The following AP3D1 variants were observed in gnomAD, a reference collection of about 807,000 sequenced individuals.
The protein encoded by AP3D1 is AP-3 complex subunit delta-1.
A neutral mutation model predicts 147.6 loss-of-function variants in AP3D1; 51 were observed. The ratio of observed to expected loss-of-function variants is 0.35; its 90% confidence interval spans 0.28 to 0.44. The LOEUF (loss-of-function observed/expected upper bound fraction) is 0.44, where lower values mean the gene tolerates loss of function less well. AP3D1 is among the 20% of genes least tolerant of loss of function. The probability of loss-of-function intolerance (pLI) is 1.00; values close to 1 mark genes in which losing one functional copy is unlikely to be tolerated. For missense variants in AP3D1, 1,421 were observed against 1,624.2 expected, an observed-to-expected ratio of 0.87 and a Z score of 2.15; for synonymous variants, 760 against 663.0, an observed-to-expected ratio of 1.15 and a Z score of -2.25.
rs748289680 is a variant in AP3D1, at chr19:2,102,122, C to T, written c.*51G>A. The T allele has an allele frequency of 2.8e-5, 41 of 1,451,106 alleles. No individual in the cohort carries two copies. Among genetic ancestry groups the T allele is most frequent in the Middle Eastern group, 2.1e-4 (1 of 4,684 alleles). 89.9% of individuals were successfully genotyped at this position (1,451,106 alleles called of 1,614,324 possible). The stretch of plus-strand genomic sequence containing the variant: ...GGAGAGGCGAGACACGTCAGGGCTG[C>T]GGTCCCTGGGTACGTGCTCCGCGGG... On this transcript the variant is annotated 3_prime_UTR_variant, in exon 32 of 32. Transcript: ENST00000643116.
intron 23 of AP3D1, 173 bp downstream of exon 23, chr19:2,113,163 G>T (rs2018335488): frequency 1.6e-6 from 1 of 625,312 alleles, no homozygotes; most frequent in Non-Finnish European, 2.8e-6. Flanking sequence ...CCCCTGCTTG[G>T]CCCACTGGGA....
intron 12 of AP3D1, 108 bp from the exon 13 acceptor site, chr19:2,121,419 C>T: frequency 7.2e-7 from 1 of 1,388,196 alleles, no homozygotes; most frequent in Non-Finnish European, 9.9e-7. Flanking sequence ...CACAGGCGGA[C>T]CCGGATTCAC....
At position 2,109,150 on chromosome 19, in the gene AP3D1, G is replaced by A. The variant is rs369844485; in HGVS notation, c.3408C>T (p.Val1136=). The A allele has an allele frequency of 4.6e-5, 74 of 1,610,228 alleles. No homozygotes were observed. In the African/African-American group the frequency reaches 7.6e-4, roughly 17 times the overall value. ...TCTGGAAGGACATCCGAATGCCATC[G>A]ACTTTGATTGAGCTCATGCTCAAGT... is the stretch of plus-strand genomic sequence containing the variant. The part of the protein sequence containing the change: ...SGDLSMSSIK[V]DGIRMSFQNL... Residue 1136 remains valine, a synonymous_variant, in exon 30 of 32, where the codon GTC becomes GTT. Coordinates refer to ENST00000643116, the MANE Select transcript of AP3D1 (RefSeq NM_001261826.3).
At chr19:2,141,763 AG>A (rs2019225876) in intron 1 of AP3D1, among the ~76,000 whole-genome samples, 1 of 150,348 alleles carries the variant, frequency 6.7e-6, no homozygotes, top group Non-Finnish European at 1.5e-5. Context: ...TTATTGAGAT[AG>A]GGTCTTCCTC....
Position 2,116,673 on chromosome 19 carries a change from A to C in AP3D1, c.1933T>G (p.Phe645Val). Residue 645 changes from phenylalanine (F) to valine (V), a missense_variant, in exon 17 of 32, where the codon TTC becomes GTC. By Grantham distance (50) the Phe-to-Val change is conservative. This residue lies in a region of AP3D1 where 791 missense variants were observed against 761.4 expected (regional missense o/e 1.04). Transcript: ENST00000643116. ...GGACGCCGCTGCTCCTCCTCGTGGA[A>C]GACGGCCCTGGGCCTCTCGTCCTCT... ...ESEDERPRAV[F>V]HEEEQRRPKH... 2 of 1,608,658 alleles carry C rather than the reference A, an allele frequency of 1.2e-6. No individual in the cohort carries two copies. Among genetic ancestry groups the C allele is most frequent in the South Asian group, 2.2e-5 (2 of 90,002 alleles).
intron 31 of AP3D1, among the ~76,000 whole-genome samples, chr19:2,106,778 G>C (rs2018121982): frequency 6.6e-6 from 1 of 152,144 alleles, no homozygotes; most frequent in South Asian, 2.1e-4. Flanking sequence ...AGGACATGAG[G>C]TGTAATAACA....
At chr19:2,162,923 C>T (rs2019750630) in intron 1 of AP3D1, among the ~76,000 whole-genome samples, 1 of 151,948 alleles carries the variant, frequency 6.6e-6, no homozygotes, top group Admixed American at 6.6e-5. Context: ...GGTGAAACCG[C>T]CTTTGCAAAA....
In AP3D1 at chr19:2,137,803, T is replaced by C; in HGVS notation, c.197A>G (p.Gln66Arg). Reference protein sequence around the residue: ...ANAVCKLTYLQMLGYDISWAA... With the variant: ...ANAVCKLTYLRMLGYDISWAA... ...CCAGCTGATGTCGTATCCCAACATC[T>C]GTAACTGTTAAGGGACGCACAGGAA... The change falls in exon 3 of 32, where the codon CAG becomes CGG. Residue 66 changes from glutamine (Q) to arginine (R), a missense_variant. This residue lies in a region of AP3D1 where 292 missense variants were observed against 412.0 expected (regional missense o/e 0.71). Coordinates refer to ENST00000643116, the MANE Select transcript of AP3D1 (RefSeq NM_001261826.3). The C allele has an allele frequency of 6.2e-7, 1 of 1,613,878 alleles. No individual in the cohort carries two copies. Among genetic ancestry groups the C allele is most frequent in the Non-Finnish European group, 8.5e-7 (1 of 1,179,884 alleles).
intron 1 of AP3D1, among the ~76,000 whole-genome samples, chr19:2,150,933 G>A (rs569567607): frequency 3.3e-5 from 5 of 152,310 alleles, no homozygotes; most frequent in Non-Finnish European, 5.9e-5. Context: ...CCAGGGGGAG[G>A]GCACCTATAG....
At position 2,114,195 on chromosome 19, in the gene AP3D1, G is replaced by A; in HGVS notation, c.2531C>T (p.Pro844Leu). The A allele has an allele frequency of 6.2e-7, 1 of 1,607,928 alleles. No individual in the cohort carries two copies. The highest frequency in any genetic ancestry group is 2.2e-5 in the East Asian group (1 of 44,660). ...VPMVEKKSKK[P>L]KKKEKKHKEK... The stretch of plus-strand genomic sequence containing the variant: ...TTTGTGTTTTTTCTCTTTCTTCTTG[G>A]GTTTCTTGCTCTTCTTTTCTACCAT... Residue 844 changes from proline (P) to leucine (L), a missense_variant, in exon 22 of 32, where the codon CCC becomes CTC. Pro to Leu is a moderately conservative substitution (Grantham distance 98). Around this residue, in one of 6 missense-constraint regions of AP3D1, gnomAD observed 791 missense variants for 761.4 expected, o/e 1.04. Coordinates refer to ENST00000643116, the MANE Select transcript of AP3D1 (RefSeq NM_001261826.3).
rs1479573171 is a variant in AP3D1 at position 2,118,765 on chromosome 19, G to C, written c.1549C>G (p.His517Asp). ...LRPRVTTLPGHIQAVYVQNVV... is the reference protein window; with the variant it reads ...LRPRVTTLPGDIQAVYVQNVV... ...TTCTGCACATACACGGCCTGGATGT[G>C]GCCTGGCAGCGTGGTGACTCTGGGC... The change falls in exon 15 of 32, where the codon CAC (histidine) becomes GAC (aspartate). Residue 517 changes from histidine (H) to aspartate (D), a missense_variant. Coordinates refer to ENST00000643116, the MANE Select transcript of AP3D1 (RefSeq NM_001261826.3). 3.1e-6 allele frequency: 5 copies of C among 1,613,692 alleles called. No homozygotes were observed. In the African/African-American group the frequency reaches 6.7e-5, roughly 22 times the overall value.
intron 10 of AP3D1, 35 bp downstream of exon 10, chr19:2,123,795 G>A: frequency 1.3e-6 from 2 of 1,553,604 alleles, no homozygotes; most frequent in African/African-American, 1.4e-5. Context: ...TCTGCAGTGT[G>A]GGACCCCATG....
intron 26 of AP3D1, 158 bp from the exon 27 acceptor site, chr19:2,111,054 T>C: frequency 4.3e-6 from 4 of 939,026 alleles, no homozygotes; most frequent in South Asian, 3.4e-5. Context: ...GCGCCTCCTA[T>C]GGCTGCTCTT....
intron 18 of AP3D1, among the ~76,000 whole-genome samples, 155 bp from the exon 19 acceptor site, chr19:2,115,768 C>T (rs1339286408): frequency 1.3e-5 from 2 of 152,248 alleles, no homozygotes; most frequent in East Asian, 1.9e-4. Flanking sequence ...CGTGAGCGAG[C>T]GCATCCCGAG....
intron 1 of AP3D1, among the ~76,000 whole-genome samples, chr19:2,145,632 T>TAA (rs1444147898): frequency 6.6e-6 from 1 of 152,058 alleles, no homozygotes; most frequent in African/African-American, 2.4e-5. Context: ...GCTCCTGCCC[T>TAA]CTGGTCTTCC....
chr19:2,123,270 T>C (rs1248780285), intron 11 of AP3D1, 88 bp downstream of exon 11: 2 of 1,333,414 alleles, frequency 1.5e-6, no homozygotes, highest in Non-Finnish European at 2.1e-6. Context: ...GCAGATGCCG[T>C]GTCCACTTCC....
upstream of AP3D1, among the ~76,000 whole-genome samples, chr19:2,153,772 G>A (rs957986167): frequency 6.6e-5 from 10 of 152,112 alleles, no homozygotes; most frequent in African/African-American, 2.2e-4. Context: ...TAGAGGAATC[G>A]CTGGGTAATA....
intron 31 of AP3D1, among the ~76,000 whole-genome samples, chr19:2,103,671 T>TG (rs1181674596): frequency 2.6e-5 from 4 of 152,152 alleles, no homozygotes; most frequent in South Asian, 4.1e-4. Flanking sequence ...GTGGTGTGCT[T>TG]GGGGCCACAG....
chr19:2,162,771 A>T (rs2019743469), intron 1 of AP3D1, among the ~76,000 whole-genome samples: 1 of 151,656 alleles, frequency 6.6e-6, no homozygotes, highest in Admixed American at 6.6e-5. Flanking sequence ...TGACTGCGGG[A>T]CTCTATTGCT....
Sources: allele counts gnomAD v4.1 joint callset (sites outside exome capture counted in the v4.1 genomes callset), GRCh38; gene constraint gnomAD v4.1.1; regional missense constraint gnomAD v4.1.1; transcripts MANE v1.5; gene names NCBI Gene and HGNC (gene_info 2026-07-23, HGNC 2026-07-21).